PPM1A: variants seen among roughly 807,000 people sequenced by gnomAD.
The protein encoded by PPM1A is protein phosphatase, Mg2+/Mn2+ dependent 1A, also known as protein phosphatase 1A.
In PPM1A, 7 loss-of-function variants were observed where a neutral mutation model predicts 35.0. The ratio of observed to expected loss-of-function variants is 0.20; its 90% CI spans 0.11 to 0.38. The LOEUF (loss-of-function observed/expected upper bound fraction) is 0.38, where lower values mean the gene tolerates loss of function less well. Among genes scored for constraint, PPM1A ranks in the 10% least tolerant of loss-of-function variants. PPM1A has a pLI of 1.00. For synonymous variants in PPM1A, 153 were observed against 167.3 expected (o/e 0.91, Z 0.66); for missense variants, 239 against 467.8 (o/e 0.51, Z 4.51).
At position 60,284,615 on chromosome 14, in the gene PPM1A, C is replaced by T. The variant is rs148775194; in HGVS notation, c.835-1009C>T. ...CGAGATCGCGCCACTGCACTCCAGC[C>T]TGGGCGACAGAGCGAGACTCCGTCT... On this transcript the variant is annotated intron_variant, in intron 2 of 5. Transcript: ENST00000395076. 4.3e-3 allele frequency among the ~76,000 whole-genome samples: 633 copies of T among 145,718 alleles called. 3 individuals are homozygous for T. The highest frequency in any genetic ancestry group is 0.016 in the African/African-American group (611 of 38,886).
At chr14:60,265,941 G>C (rs1470453586) in intron 1 of PPM1A, among the ~76,000 whole-genome samples, 2 of 152,166 alleles carry the variant, frequency 1.3e-5, no homozygotes, top group Non-Finnish European at 2.9e-5. Flanking sequence ...AGTTTTGGAG[G>C]TGACATTCAA....
At chr14:60,288,134 C>T (rs1939298921) in intron 3 of PPM1A, 8 of 984,812 alleles carry the variant, frequency 8.1e-6, no homozygotes, top group African/African-American at 3.5e-5. Context: ...AGTTTAAATG[C>T]GTTGTCCCAC....
chr14:60,246,074 C>T, upstream of PPM1A: 2 of 1,539,106 alleles, frequency 1.3e-6, no homozygotes, highest in Admixed American at 4.2e-5. Flanking sequence ...AATTGTTGAA[C>T]CTATGTTCTG....
intron 1 of PPM1A, among the ~76,000 whole-genome samples, chr14:60,280,621 T>C (rs1886300894): frequency 6.6e-6 from 1 of 152,300 alleles, no homozygotes; most frequent in Non-Finnish European, 1.5e-5. Flanking sequence ...TAGTCTAGGA[T>C]AGTGGTCTTG....
chr14:60,284,508 G>A (rs1886735465), intron 2 of PPM1A, among the ~76,000 whole-genome samples: 1 of 151,978 alleles, frequency 6.6e-6, no homozygotes, highest in East Asian at 1.9e-4. Flanking sequence ...CGGGTGTGGT[G>A]GCGGGCGCCT....
chr14:60,257,178 T>C (rs937911885), intron 1 of PPM1A, among the ~76,000 whole-genome samples: 1 of 152,232 alleles, frequency 6.6e-6, no homozygotes, highest in Admixed American at 6.5e-5. Flanking sequence ...CCCACTGATA[T>C]AAATTATTTC....
intron 3 of PPM1A, chr14:60,287,352 T>G: frequency 1.0e-6 from 1 of 983,078 alleles, no homozygotes; most frequent in Non-Finnish European, 1.2e-6. Flanking sequence ...ATTATACTTG[T>G]ACCATTCAAT....
chr14:60,291,644 G>A (rs1887643390), intron 5 of PPM1A, among the ~76,000 whole-genome samples, 190 bp downstream of exon 5: 1 of 151,860 alleles, frequency 6.6e-6, no homozygotes, highest in Non-Finnish European at 1.5e-5. Flanking sequence ...CATAATCATG[G>A]TGAGTGGCCA....
chr14:60,290,099 A>G (rs1555345148), intron 4 of PPM1A, among the ~76,000 whole-genome samples, 185 bp downstream of exon 4: 1 of 152,186 alleles, frequency 6.6e-6, no homozygotes, highest in Non-Finnish European at 1.5e-5. Flanking sequence ...TATCAGTATC[A>G]TTGTAACTAA....
chr14:60,274,963 AG>A (rs1267216669), intron 1 of PPM1A, among the ~76,000 whole-genome samples: 1 of 151,688 alleles, frequency 6.6e-6, no homozygotes, highest in East Asian at 1.9e-4. Context: ...ATTTAGCCTA[AG>A]TATCTGAAAT....
chr14:60,259,141 A>C (rs941198605), intron 1 of PPM1A, among the ~76,000 whole-genome samples: 8 of 152,080 alleles, frequency 5.3e-5, no homozygotes, highest in African/African-American at 1.4e-4. Context: ...TACATACACA[A>C]AAAAATTGCA....
chr14:60,269,510 C>A (rs1884826063), intron 1 of PPM1A, among the ~76,000 whole-genome samples: 1 of 151,980 alleles, frequency 6.6e-6, no homozygotes, highest in Non-Finnish European at 1.5e-5. Context: ...AAGTCTGGGA[C>A]CAGCCTGATT....
At chr14:60,278,671 G>A (rs553390536) in intron 1 of PPM1A, among the ~76,000 whole-genome samples, 1 of 152,146 alleles carries the variant, frequency 6.6e-6, no homozygotes, top group Non-Finnish European at 1.5e-5. Flanking sequence ...AAAAGTCCCT[G>A]CTCTCATGGA....
chr14:60,254,055 C>G (rs1256909112), intron 1 of PPM1A, among the ~76,000 whole-genome samples: 1 of 152,022 alleles, frequency 6.6e-6, no homozygotes, highest in African/African-American at 2.4e-5. Flanking sequence ...GAGATCTTTT[C>G]TACCATGAAG....
At chr14:60,257,112 C>G (rs981821903) in intron 1 of PPM1A, among the ~76,000 whole-genome samples, 1 of 152,150 alleles carries the variant, frequency 6.6e-6, no homozygotes, top group Non-Finnish European at 1.5e-5. Flanking sequence ...GTTCCACAAG[C>G]CATACACACT....
At chr14:60,277,071 C>A in intron 1 of PPM1A, 1 of 1,194,308 alleles carries the variant, frequency 8.4e-7, no homozygotes, top group East Asian at 6.8e-5. Context: ...AGCTTGTACT[C>A]AAGAACAGAT....
intron 1 of PPM1A, among the ~76,000 whole-genome samples, chr14:60,281,475 G>A (rs1305765612): frequency 6.6e-6 from 1 of 152,096 alleles, no homozygotes; most frequent in African/African-American, 2.4e-5. Context: ...AGTATCATTA[G>A]CATCATCAAT....
rs1478745591 is a variant in PPM1A at position 60,249,411 on chromosome 14, G to A, written c.-287G>A. 7 of 984,798 alleles carry A rather than the reference G, an allele frequency of 7.1e-6. No homozygotes were observed. In the East Asian group the frequency reaches 5.7e-4, roughly 80 times the overall value. The allele number at this position is 984,798 out of a possible 1,614,324, so 61.0% of individuals were successfully genotyped here. On this transcript the variant is annotated 5_prime_UTR_variant, in exon 1 of 6. Coordinates refer to ENST00000395076, the MANE Select transcript of PPM1A (RefSeq NM_021003.5). This position sits in a 1 kb window ranked among gnomAD's most constrained non-coding sequence, Gnocchi z 4.5. Reference sequence around the variant, plus strand: ...GAGGCGCGAAAGCGATGAGTCCTCGGCTCTTCCTCCTCCTTCTCCGGGACC... The same window carrying A: ...GAGGCGCGAAAGCGATGAGTCCTCGACTCTTCCTCCTCCTTCTCCGGGACC...
intron 1 of PPM1A, among the ~76,000 whole-genome samples, chr14:60,262,453 G>C (rs963849544): frequency 3.3e-5 from 5 of 152,198 alleles, no homozygotes; most frequent in Non-Finnish European, 1.5e-5. Context: ...GGAAGCCGAG[G>C]CGGGAGGATT....
Sources: gnomAD v4.1 joint callset for allele counts (sites outside exome capture counted in the v4.1 genomes callset) on GRCh38, gnomAD v4.1.1 for gene constraint, Gnocchi (gnomAD v3.1) non-coding constraint, MANE v1.5 for transcripts, NCBI Gene and HGNC (gene_info 2026-07-23, HGNC 2026-07-21) for gene names.